The following PRDM2 variants were observed in gnomAD, a reference collection of about 807,000 sequenced individuals.
PRDM2 encodes the protein PR domain zinc finger protein 2.
A neutral mutation model predicts 130.0 loss-of-function variants in PRDM2; 30 were observed. The ratio of observed to expected loss-of-function variants is 0.23; its 90% CI spans 0.17 to 0.31. The LOEUF is 0.31. Among genes scored for constraint, PRDM2 ranks in the 10% least tolerant of loss-of-function variants. The pLI is 1.00. For missense variants in PRDM2, 2,011 were observed against 2,108.4 expected (o/e 0.95, Z 0.90); for synonymous variants, 871 against 782.4 (o/e 1.11, Z -1.89).
intron 8 of PRDM2, among the ~76,000 whole-genome samples, chr1:13,795,631 G>T (rs1644911006): frequency 6.6e-6 from 1 of 152,192 alleles, no homozygotes; most frequent in Admixed American, 6.5e-5. Flanking sequence ...ACTGTGTTGC[G>T]GGTGAATGGA....
intron 2 of PRDM2, among the ~76,000 whole-genome samples, chr1:13,727,178 C>T (rs774322468): frequency 2.6e-5 from 4 of 152,128 alleles, no homozygotes; most frequent in Non-Finnish European, 4.4e-5. Flanking sequence ...ACATGTTTCC[C>T]CAATATTGTC....
At chr1:13,749,337 C>A in intron 5 of PRDM2, 24 bp from the exon 6 acceptor site, 1 of 1,463,528 alleles carries the variant, frequency 6.8e-7, no homozygotes, top group Non-Finnish European at 9.2e-7. Context: ...ATTGGCCCGG[C>A]GCTTGTCTCT....
rs574716773 is a variant in PRDM2 at position 13,735,708 on chromosome 1, T to A, written c.231+2826T>A. On this transcript the variant is annotated intron_variant, in intron 4 of 9. Coordinates refer to ENST00000311066, the MANE Select transcript of PRDM2 (RefSeq NM_001393986.1). ...CGGGGCATTGGTCAGCCCATGAACCTGCACTGACATATCATTATTACCCAA... is the reference window on the plus strand; with the variant it reads ...CGGGGCATTGGTCAGCCCATGAACCAGCACTGACATATCATTATTACCCAA... 3.3e-5 allele frequency among the ~76,000 whole-genome samples: 5 copies of A among 152,338 alleles called. No homozygotes were observed. The East Asian group carries it at 9.6e-4, about 29-fold the overall frequency.
intron 7 of PRDM2, among the ~76,000 whole-genome samples, chr1:13,776,646 A>G (rs1644481699): frequency 6.6e-6 from 1 of 152,338 alleles, no homozygotes; most frequent in Admixed American, 6.5e-5. Flanking sequence ...CACAATCACA[A>G]GACCTCTGCC....
chr1:13,704,622 T>C (rs1642153658), intron 1 of PRDM2, among the ~76,000 whole-genome samples: 1 of 152,232 alleles, frequency 6.6e-6, no homozygotes, highest in Non-Finnish European at 1.5e-5. Flanking sequence ...AGTTTGATTA[T>C]AGGGGGCAGT....
chr1:13,793,832 A>G (rs1158983496), intron 8 of PRDM2, among the ~76,000 whole-genome samples: 1 of 152,032 alleles, frequency 6.6e-6, no homozygotes, highest in Non-Finnish European at 1.5e-5. Flanking sequence ...AAAGAAAGAT[A>G]TCGCAAAAAA....
At chr1:13,808,604 C>T (rs1645123355) in intron 8 of PRDM2, among the ~76,000 whole-genome samples, 3 of 152,036 alleles carry the variant, frequency 2.0e-5, no homozygotes. Context: ...GTCCATTTTC[C>T]CTCCCCTGCA....
chr1:13,746,186 GT>G (rs1643599188), intron 5 of PRDM2, among the ~76,000 whole-genome samples: 2 of 151,966 alleles, frequency 1.3e-5, no homozygotes, highest in Non-Finnish European at 2.9e-5. Flanking sequence ...TAAAATCTTT[GT>G]TGTTGTTAAT....
intron 5 of PRDM2, among the ~76,000 whole-genome samples, chr1:13,746,855 T>C (rs1643626949): frequency 6.6e-6 from 1 of 152,198 alleles, no homozygotes; most frequent in Non-Finnish European, 1.5e-5. Flanking sequence ...CTATGCCCGC[T>C]AATAATTTTG....
chr1:13,724,944 T>C (rs1052528910), intron 2 of PRDM2, among the ~76,000 whole-genome samples: 5 of 152,076 alleles, frequency 3.3e-5, no homozygotes, highest in Non-Finnish European at 7.4e-5. Flanking sequence ...GGGGAGAACG[T>C]AGGACATGAA....
At chr1:13,738,010 A>T (rs541505581) in intron 4 of PRDM2, among the ~76,000 whole-genome samples, 2 of 152,326 alleles carry the variant, frequency 1.3e-5, no homozygotes, top group Admixed American at 1.3e-4. Context: ...ATGTGGCTTC[A>T]TGAAGTTCCT....
chr1:13,755,631 A>G (rs1022328900), intron 6 of PRDM2, among the ~76,000 whole-genome samples: 3 of 152,144 alleles, frequency 2.0e-5, no homozygotes, highest in African/African-American at 7.2e-5. Flanking sequence ...ATTTTTCTAA[A>G]TGATGAATTT....
intron 2 of PRDM2, among the ~76,000 whole-genome samples, chr1:13,725,874 T>C (rs1441335417): frequency 6.6e-6 from 1 of 152,216 alleles, no homozygotes; most frequent in Non-Finnish European, 1.5e-5. Context: ...GGTTAGAATG[T>C]AGACTCTGGA....
At position 13,780,179 on chromosome 1, in the gene PRDM2, T is replaced by C. The variant is rs1166962093; in HGVS notation, c.2384T>C (p.Val795Ala). 1 of 1,600,138 alleles carries C rather than the reference T, an allele frequency of 6.2e-7. No homozygotes were observed. Among genetic ancestry groups the C allele is most frequent in the Admixed American group, 1.7e-5 (1 of 58,606 alleles). The change falls in exon 8 of 10, where the codon GTG becomes GCG. Residue 795 changes from valine (V) to alanine (A), a missense_variant. Transcript: ENST00000311066. ...SLSGRDERET[V>A]SPPCFDEYKM... ...TCTGGGAGAGATGAGAGAGAAACTGTGAGCCCTCCATGCTTTGATGAATAT... is the reference window on the plus strand; with the variant it reads ...TCTGGGAGAGATGAGAGAGAAACTGCGAGCCCTCCATGCTTTGATGAATAT...
chr1:13,794,091 C>G (rs1434853973), intron 8 of PRDM2, among the ~76,000 whole-genome samples: 1 of 152,190 alleles, frequency 6.6e-6, no homozygotes, highest in East Asian at 1.9e-4. Flanking sequence ...TTCCTGAAGG[C>G]CACTTGCATT....
chr1:13,729,494 G>A (rs1643030574), intron 2 of PRDM2, among the ~76,000 whole-genome samples: 1 of 152,148 alleles, frequency 6.6e-6, no homozygotes, highest in African/African-American at 2.4e-5. Context: ...CCAACTACCA[G>A]TGTAATACCT....
At chr1:13,808,837 T>C (rs1178396585) in intron 8 of PRDM2, among the ~76,000 whole-genome samples, 2 of 152,188 alleles carry the variant, frequency 1.3e-5, no homozygotes, top group Non-Finnish European at 2.9e-5. Flanking sequence ...CGCAGATGCA[T>C]GAGAAACTGC....
At chr1:13,756,752 A>T (rs751208575) in intron 6 of PRDM2, among the ~76,000 whole-genome samples, 13 of 152,200 alleles carry the variant, frequency 8.5e-5, no homozygotes, top group Non-Finnish European at 1.8e-4. Flanking sequence ...TTATGCCATG[A>T]ATTGCTCACT....
rs78612395 is a variant in PRDM2, at chr1:13,724,876, C to T, written c.10-6124C>T. On this transcript the variant is annotated intron_variant, in intron 2 of 9. Coordinates refer to ENST00000311066, the MANE Select transcript of PRDM2 (RefSeq NM_001393986.1). ...GAGGGGAGAAAGCTTATAGTTGTAA[C>T]GCTTGTAGTTTTTAATGTTAACAGT... Among the ~76,000 whole-genome samples, 27 of 152,196 alleles carry T rather than the reference C, an allele frequency of 1.8e-4. No individual in the cohort carries two copies. The East Asian group carries it at 5.0e-3, about 28-fold the overall frequency.
Sources: gnomAD v4.1 joint callset for allele counts (sites outside exome capture counted in the v4.1 genomes callset) on GRCh38, gnomAD v4.1.1 for gene constraint, MANE v1.5 for transcripts, NCBI Gene and HGNC (gene_info 2026-07-23, HGNC 2026-07-21) for gene names.